SMYD3: variants seen among roughly 807,000 people sequenced by gnomAD.
SMYD3 encodes SET and MYND domain containing 3.
A neutral mutation model predicts 57.7 loss-of-function variants in SMYD3; 36 were observed. The ratio of observed to expected loss-of-function variants is 0.62; its 90% CI spans 0.48 to 0.82. SMYD3 has a LOEUF of 0.82. SMYD3 is among the 40% of genes least tolerant of loss of function. The pLI is 0.00. For missense variants in SMYD3, 515 were observed against 538.8 expected (o/e 0.96, Z 0.44); for synonymous variants, 211 against 195.0 (o/e 1.08, Z -0.68).
intron 9 of SMYD3, among the ~76,000 whole-genome samples, chr1:245,860,776 T>C (rs901047814): frequency 3.9e-5 from 6 of 152,244 alleles, no homozygotes; most frequent in Non-Finnish European, 5.9e-5. Context: ...TTGTAACAGA[T>C]TGCTGGGCTA....
chr1:246,330,822 G>A (rs541683168), intron 3 of SMYD3, among the ~76,000 whole-genome samples: 1 of 152,004 alleles, frequency 6.6e-6, no homozygotes, highest in Non-Finnish European at 1.5e-5. Flanking sequence ...ATCGTGTACC[G>A]GCCAAAAGAG....
intron 5 of SMYD3, among the ~76,000 whole-genome samples, chr1:246,190,520 G>A (rs138947941): frequency 0.071 from 10,429 of 147,340 alleles, 394 homozygotes; most frequent in Middle Eastern, 0.18. Context: ...GGGAGGCAGA[G>A]GTTGCAGTGG....
chr1:246,117,708 G>A (rs1390465241), intron 5 of SMYD3, among the ~76,000 whole-genome samples: 2 of 152,086 alleles, frequency 1.3e-5, no homozygotes, highest in Non-Finnish European at 1.5e-5. Context: ...CAAGTTCCAG[G>A]GTACATGTGC....
chr1:246,152,911 T>A (rs2061964726), intron 5 of SMYD3, among the ~76,000 whole-genome samples: 1 of 152,220 alleles, frequency 6.6e-6, no homozygotes, highest in Non-Finnish European at 1.5e-5. Context: ...TGGCACAAAG[T>A]AAGCACTCAA....
At chr1:246,151,972 A>G (rs902141154) in intron 5 of SMYD3, among the ~76,000 whole-genome samples, 9 of 152,236 alleles carry the variant, frequency 5.9e-5, no homozygotes, top group Admixed American at 6.5e-5. Context: ...CCCCTGAGTC[A>G]GAGGTCAGCA....
At chr1:246,432,534 ATTCTCT>A (rs1246531702) in intron 1 of SMYD3, among the ~76,000 whole-genome samples, 1 of 152,218 alleles carries the variant, frequency 6.6e-6, no homozygotes, top group Admixed American at 6.5e-5. Flanking sequence ...ACAGCAGGAG[ATTCTCT>A]TTAATGAGTT....
At chr1:246,118,732 T>G (rs954061352) in intron 5 of SMYD3, among the ~76,000 whole-genome samples, 3 of 151,950 alleles carry the variant, frequency 2.0e-5, no homozygotes, top group Admixed American at 1.3e-4. Flanking sequence ...GACTCCCAAT[T>G]TTTTTTTAAA....
chr1:245,762,612 T>G lies in SMYD3; in HGVS notation c.1185+1429A>C, dbSNP rs144197163. Among the ~76,000 whole-genome samples the G allele has an allele frequency of 4.6e-3, 705 of 152,296 alleles. 10 individuals are homozygous for G. Among genetic ancestry groups the G allele is most frequent in the African/African-American group, 0.016 (664 of 41,578 alleles). On this transcript the variant is annotated intron_variant, in intron 11 of 11. Transcript: ENST00000490107. ...GCCAGACATGATAAAAAGAACAGAA[T>G]AGCTGAGTGCCCTCAGGGAATCCTA...
chr1:246,302,828 C>T (rs139806153), intron 5 of SMYD3, among the ~76,000 whole-genome samples: 364 of 152,196 alleles, frequency 2.4e-3, no homozygotes, highest in African/African-American at 8.0e-3. Context: ...CATACAGAAC[C>T]AATAAGCAAG....
At chr1:245,998,926 C>T (rs575487881) in intron 5 of SMYD3, among the ~76,000 whole-genome samples, 2 of 152,088 alleles carry the variant, frequency 1.3e-5, no homozygotes, top group Non-Finnish European at 1.5e-5. Flanking sequence ...ATTCCACTTA[C>T]GAGAGGTTCT....
intron 5 of SMYD3, among the ~76,000 whole-genome samples, chr1:246,180,288 TTA>T (rs569870572): frequency 1.6e-3 from 238 of 145,446 alleles, no homozygotes; most frequent in African/African-American, 5.5e-3. Context: ...TATAAACTAC[TTA>T]TATATATATA....
At chr1:246,259,831 G>A (rs548941821) in intron 5 of SMYD3, among the ~76,000 whole-genome samples, 1 of 152,348 alleles carries the variant, frequency 6.6e-6, no homozygotes, top group South Asian at 2.1e-4. Context: ...GCACCCAGAG[G>A]TATGCCTAGG....
chr1:245,770,175 C>A (rs2046279500), intron 10 of SMYD3, among the ~76,000 whole-genome samples: 1 of 152,186 alleles, frequency 6.6e-6, no homozygotes, highest in Non-Finnish European at 1.5e-5. Context: ...TATCAAGGAG[C>A]CACTGAGGCA....
At chr1:245,827,676 A>G (rs762839967) in intron 10 of SMYD3, among the ~76,000 whole-genome samples, 4 of 152,170 alleles carry the variant, frequency 2.6e-5, no homozygotes, top group Non-Finnish European at 5.9e-5. Flanking sequence ...CCACCACCTA[A>G]GAGTGTCCTG....
At chr1:245,979,159 T>A (rs770133177) in intron 5 of SMYD3, among the ~76,000 whole-genome samples, 1 of 152,050 alleles carries the variant, frequency 6.6e-6, no homozygotes, top group Non-Finnish European at 1.5e-5. Flanking sequence ...CACACAGAAA[T>A]AGCTTGAAGA....
At chr1:246,378,725 T>TAA (rs1558433584) in intron 1 of SMYD3, among the ~76,000 whole-genome samples, 1,751 of 28,692 alleles carry the variant, frequency 0.061, 59 homozygotes, top group African/African-American at 0.16. Context: ...ATATAATATA[T>TAA]TATATATTAT....
chr1:246,246,040 A>T (rs2063698186), intron 5 of SMYD3, among the ~76,000 whole-genome samples: 1 of 152,158 alleles, frequency 6.6e-6, no homozygotes, highest in Non-Finnish European at 1.5e-5. Flanking sequence ...TTTTCATGAA[A>T]TACTTGTTCC....
At chr1:245,817,578 T>G (rs1357901371) in intron 10 of SMYD3, among the ~76,000 whole-genome samples, 1 of 152,012 alleles carries the variant, frequency 6.6e-6, no homozygotes, top group South Asian at 2.1e-4. Context: ...AGAAGAAGGC[T>G]TCAGACGATC....
intron 5 of SMYD3, among the ~76,000 whole-genome samples, chr1:245,936,796 G>A (rs1475241461): frequency 6.6e-6 from 1 of 151,814 alleles, no homozygotes; most frequent in Non-Finnish European, 1.5e-5. Flanking sequence ...CTACTCAGGA[G>A]GCTGAGGCTG....
Sources: allele counts gnomAD v4.1 joint callset (sites outside exome capture counted in the v4.1 genomes callset), GRCh38; gene constraint gnomAD v4.1.1; transcripts MANE v1.5; gene names NCBI Gene and HGNC (gene_info 2026-07-23, HGNC 2026-07-21).